SGCZ: variants seen among roughly 807,000 people sequenced by gnomAD.
The protein encoded by SGCZ is sarcoglycan zeta.
In SGCZ, 40 loss-of-function variants were observed where a neutral mutation model predicts 41.3. The ratio of observed to expected loss-of-function variants is 0.97; its 90% confidence interval spans 0.75 to 1.26. The LOEUF (loss-of-function observed/expected upper bound fraction) is 1.26, where lower values mean the gene tolerates loss of function less well. Among genes scored for constraint, SGCZ ranks in the 50% most tolerant of loss-of-function variants. SGCZ has a pLI of 0.00. For synonymous variants in SGCZ, 206 were observed against 137.5 expected (o/e 1.50, Z -3.49); for missense variants, 552 against 369.8 (o/e 1.49, Z -4.04).
intron 2 of SGCZ, among the ~76,000 whole-genome samples, chr8:14,392,056 T>C (rs1008181262): frequency 7.9e-5 from 12 of 152,110 alleles, no homozygotes; most frequent in Non-Finnish European, 1.8e-4. Context: ...AGATCCAAAC[T>C]ATAGCAAGGG....
chr8:14,518,147 C>T (rs1802680248), intron 2 of SGCZ, among the ~76,000 whole-genome samples: 1 of 151,824 alleles, frequency 6.6e-6, no homozygotes, highest in East Asian at 1.9e-4. Context: ...AAATATATTT[C>T]ATCCCAGTAA....
chr8:14,890,147 G>A (rs1298799088), intron 1 of SGCZ, among the ~76,000 whole-genome samples: 1 of 151,940 alleles, frequency 6.6e-6, no homozygotes, highest in South Asian at 2.1e-4. Context: ...AACGTGGGAG[G>A]CGGAAGTTGC....
At chr8:14,230,367 G>A (rs1806518011) in intron 4 of SGCZ, among the ~76,000 whole-genome samples, 1 of 152,072 alleles carries the variant, frequency 6.6e-6, no homozygotes, top group Non-Finnish European at 1.5e-5. Flanking sequence ...TGCATACTAT[G>A]CTCCAGGAAG....
chr8:14,215,319 A>G (rs1218952175), intron 4 of SGCZ, among the ~76,000 whole-genome samples: 5 of 152,186 alleles, frequency 3.3e-5, no homozygotes, highest in African/African-American at 1.2e-4. Context: ...GTATATATAC[A>G]TATTTAAAAA....
At chr8:14,283,735 A>G (rs1800527365) in intron 3 of SGCZ, among the ~76,000 whole-genome samples, 1 of 152,206 alleles carries the variant, frequency 6.6e-6, no homozygotes, top group African/African-American at 2.4e-5. Context: ...TAAATAGTTT[A>G]GGATTTCTGG....
At chr8:14,577,533 G>A (rs775286307) in intron 1 of SGCZ, among the ~76,000 whole-genome samples, 2 of 151,932 alleles carry the variant, frequency 1.3e-5, no homozygotes, top group South Asian at 2.1e-4. Flanking sequence ...GACTATAGGT[G>A]CATCTCAACA....
chr8:14,845,156 C>T (rs1803056221), intron 1 of SGCZ, among the ~76,000 whole-genome samples: 1 of 152,086 alleles, frequency 6.6e-6, no homozygotes, highest in African/African-American at 2.4e-5. Context: ...TGATGGTGCC[C>T]AGCACTCACA....
intron 4 of SGCZ, among the ~76,000 whole-genome samples, chr8:14,211,318 C>A (rs1427871441): frequency 6.6e-6 from 1 of 152,100 alleles, no homozygotes; most frequent in South Asian, 2.1e-4. Context: ...CTCTACAGCC[C>A]ATGAAGCTTC....
At chr8:14,356,320 C>T (rs1803291689) in intron 2 of SGCZ, among the ~76,000 whole-genome samples, 1 of 152,086 alleles carries the variant, frequency 6.6e-6, no homozygotes, top group Non-Finnish European at 1.5e-5. Flanking sequence ...TATCAGTTAC[C>T]CAAAATCCTT....
intron 1 of SGCZ, among the ~76,000 whole-genome samples, chr8:14,770,856 G>C (rs1264565329): frequency 6.6e-6 from 1 of 151,990 alleles, no homozygotes; most frequent in Non-Finnish European, 1.5e-5. Flanking sequence ...TGTATCCAGG[G>C]AATCAAGGCA....
intron 5 of SGCZ, among the ~76,000 whole-genome samples, chr8:14,116,422 G>A (rs1038409499): frequency 5.9e-5 from 9 of 152,030 alleles, no homozygotes; most frequent in Non-Finnish European, 1.2e-4. Context: ...CTCTGCCGAT[G>A]AGAAAAGATT....
chr8:14,518,797 T>G (rs1034173722), intron 2 of SGCZ, among the ~76,000 whole-genome samples: 2 of 148,670 alleles, frequency 1.3e-5, no homozygotes, highest in Admixed American at 1.4e-4. Flanking sequence ...ACAGATAATA[T>G]AGAGAGATAT....
rs113202169 is a variant in SGCZ at position 14,311,288 on chromosome 8, C to A, written c.336+12815G>T. Among the ~76,000 whole-genome samples, 10 of 152,172 alleles carry A rather than the reference C, an allele frequency of 6.6e-5. 2 individuals carry two copies. Among genetic ancestry groups the A allele is most frequent in the African/African-American group, 2.4e-4 (10 of 41,538 alleles). On this transcript the variant is annotated intron_variant, in intron 3 of 7. Transcript: ENST00000382080. ...GACTTCTAAAGAAGAGTAACTTTAA[C>A]TGATAGAAACAACTTCAACAAGCAC...
At chr8:14,469,104 C>T (rs1801136733) in intron 2 of SGCZ, among the ~76,000 whole-genome samples, 1 of 152,084 alleles carries the variant, frequency 6.6e-6, no homozygotes, top group Admixed American at 6.6e-5. Flanking sequence ...CAAGTCACCA[C>T]CACCACTTTT....
intron 2 of SGCZ, among the ~76,000 whole-genome samples, chr8:14,542,932 C>T (rs938560409): frequency 9.2e-5 from 14 of 151,888 alleles, no homozygotes; most frequent in East Asian, 1.9e-4. Context: ...ATAACACTGA[C>T]ATATATAGGG....
chr8:14,580,513 A>G (rs1334116352), intron 1 of SGCZ, among the ~76,000 whole-genome samples: 1 of 152,250 alleles, frequency 6.6e-6, no homozygotes, highest in Non-Finnish European at 1.5e-5. Flanking sequence ...TTTAGAGGAT[A>G]GTGTTAGTAT....
intron 1 of SGCZ, among the ~76,000 whole-genome samples, chr8:14,907,208 T>G (rs1242358983): frequency 6.6e-5 from 10 of 152,106 alleles, no homozygotes; most frequent in Admixed American, 6.5e-4. Context: ...CCATTATTAT[T>G]TTTTGGGACA....
At chr8:14,924,488 G>C (rs1178626001) in intron 1 of SGCZ, among the ~76,000 whole-genome samples, 1 of 151,882 alleles carries the variant, frequency 6.6e-6, no homozygotes, top group Admixed American at 6.6e-5. Context: ...TTTATATTTT[G>C]TGGTATTCTT....
intron 1 of SGCZ, among the ~76,000 whole-genome samples, chr8:14,821,085 A>G (rs1802065133): frequency 6.6e-6 from 1 of 151,930 alleles, no homozygotes; most frequent in Admixed American, 6.5e-5. Context: ...AAGATAGACA[A>G]CAAAAATAAA....
Sources: allele counts gnomAD v4.1 joint callset (sites outside exome capture counted in the v4.1 genomes callset), GRCh38; gene constraint gnomAD v4.1.1; transcripts MANE v1.5; gene names NCBI Gene and HGNC (gene_info 2026-07-23, HGNC 2026-07-21).